Variants in NXPE4 observed in about 807,000 individuals in gnomAD.
NXPE4 encodes neurexophilin and PC-esterase domain family member 4, also known as NXPE family member 4.
NXPE4 carries 42 observed loss-of-function variants against 33.3 expected under a neutral mutation model. The ratio of observed to expected loss-of-function variants is 1.26; its 90% CI spans 0.98 to 1.63. The LOEUF (loss-of-function observed/expected upper bound fraction) is 1.63. NXPE4 is among the 40% of genes most tolerant of loss of function. The probability of loss-of-function intolerance (pLI) is 0.00; values close to 1 mark genes in which losing one functional copy is unlikely to be tolerated. For missense variants in NXPE4, 709 were observed against 647.6 expected, an observed-to-expected ratio of 1.09 and a Z score of -1.03; for synonymous variants, 253 against 234.9, an observed-to-expected ratio of 1.08 and a Z score of -0.71.
At chr11:114,612,838 G>A in the NXPE4 span, among the ~76,000 whole-genome samples, 12 of 152,022 alleles carry the variant, frequency 7.9e-5, no homozygotes, top group East Asian at 2.1e-3. Flanking sequence ...AGGATAGTAA[G>A]TATTGCCTTG....
the NXPE4 span, among the ~76,000 whole-genome samples, chr11:114,640,313 ATATAT>A: frequency 6.1e-5 from 9 of 146,396 alleles, no homozygotes; most frequent in Admixed American, 2.1e-4. Flanking sequence ...TTATATATTT[ATATAT>A]TATATGTTTA....
chr11:114,583,949 G>A, intron 2 of NXPE4: 1 of 390,888 alleles, frequency 2.6e-6, no homozygotes, highest in Non-Finnish European at 5.0e-6. Context: ...AGATGGGATT[G>A]ATGATGAGTC....
the NXPE4 span, among the ~76,000 whole-genome samples, chr11:114,625,453 G>T: frequency 1.3e-5 from 2 of 152,098 alleles, no homozygotes; most frequent in Non-Finnish European, 2.9e-5. Context: ...ATTGCCTCTT[G>T]GGTAACCACT....
At chr11:114,572,901 C>G (rs1948921636) in intron 5 of NXPE4, among the ~76,000 whole-genome samples, 1 of 152,090 alleles carries the variant, frequency 6.6e-6, no homozygotes, top group African/African-American at 2.4e-5. Context: ...ATTGCCTAGG[C>G]ACATAGTAAT....
At chr11:114,635,781 A>T in the NXPE4 span, among the ~76,000 whole-genome samples, 1 of 152,060 alleles carries the variant, frequency 6.6e-6, no homozygotes, top group African/African-American at 2.4e-5. Flanking sequence ...TGATTTGCAT[A>T]TATTGAACCA....
chr11:114,674,335 G>A, the NXPE4 span, among the ~76,000 whole-genome samples: 3 of 151,680 alleles, frequency 2.0e-5, no homozygotes, highest in African/African-American at 7.3e-5. Flanking sequence ...TTCAGTAATT[G>A]TGATGTGGCT....
chr11:114,634,734 T>G, the NXPE4 span, among the ~76,000 whole-genome samples: 3 of 152,060 alleles, frequency 2.0e-5, no homozygotes, highest in Non-Finnish European at 4.4e-5. Flanking sequence ...CTTTCCCCAT[T>G]GCTTGTTTTT....
At chr11:114,668,635 T>G in the NXPE4 span, among the ~76,000 whole-genome samples, 17 of 151,964 alleles carry the variant, frequency 1.1e-4, no homozygotes, top group South Asian at 3.5e-3. Flanking sequence ...TCAGAGCAAG[T>G]GGGGAAAAGG....
At chr11:114,603,182 A>G in the NXPE4 span, among the ~76,000 whole-genome samples, 7 of 151,938 alleles carry the variant, frequency 4.6e-5, no homozygotes, top group Non-Finnish European at 8.8e-5. Context: ...CTGGTGGATG[A>G]TAAGTATTGC....
Position 114,582,521 on chromosome 11 carries a change from A to T in NXPE4, c.597T>A (p.Tyr199Ter), listed in dbSNP as rs778437339. Residue 199 changes from tyrosine to a stop codon, truncating the protein, a stop_gained, in exon 3 of 6, where the codon TAT (tyrosine) becomes TAA (stop). Coordinates refer to ENST00000375478, the MANE Select transcript of NXPE4 (RefSeq NM_001077639.2). LOFTEE classifies it high-confidence loss of function. ...SALWSARNQG[Y>*]DRVIFTGQFV... ...ACTGGCCAGTGAAGATCACCCTGTC[A>T]TAGCCTTGGTTCCTTGCACTCCAGA... The T allele has an allele frequency of 6.2e-7, 1 of 1,614,060 alleles. No homozygotes were observed. The highest frequency in any genetic ancestry group is 1.3e-5 in the African/African-American group (1 of 74,932).
chr11:114,625,022 T>C, the NXPE4 span, among the ~76,000 whole-genome samples: 1 of 152,076 alleles, frequency 6.6e-6, no homozygotes, highest in African/African-American at 2.4e-5. Context: ...GGATAGTAAG[T>C]GTTGCCTCGG....
chr11:114,656,176 A>G, the NXPE4 span, among the ~76,000 whole-genome samples: 13 of 152,082 alleles, frequency 8.5e-5, no homozygotes, highest in African/African-American at 3.1e-4. Flanking sequence ...ACTCCTATTC[A>G]CAATTACTAC....
At chr11:114,655,335 C>T in the NXPE4 span, among the ~76,000 whole-genome samples, 1 of 152,090 alleles carries the variant, frequency 6.6e-6, no homozygotes, top group African/African-American at 2.4e-5. Flanking sequence ...TTAATTAGAT[C>T]CCATTTGTCA....
chr11:114,575,739 T>A (rs1948982006), intron 5 of NXPE4, among the ~76,000 whole-genome samples: 1 of 152,170 alleles, frequency 6.6e-6, no homozygotes, highest in South Asian at 2.1e-4. Context: ...TGCTCATGGA[T>A]GGGTAGAATA....
the NXPE4 span, among the ~76,000 whole-genome samples, chr11:114,626,832 G>A: frequency 3.2e-4 from 48 of 152,188 alleles, 1 homozygote; most frequent in East Asian, 7.3e-3. Flanking sequence ...AAAGGAGCTG[G>A]TGGAGCTGAA....
chr11:114,637,752 G>T, the NXPE4 span, among the ~76,000 whole-genome samples: 1 of 151,594 alleles, frequency 6.6e-6, no homozygotes, highest in East Asian at 1.9e-4. Flanking sequence ...TGAAATTCTG[G>T]GTTGAAAATT....
the NXPE4 span, among the ~76,000 whole-genome samples, chr11:114,602,758 A>G: frequency 6.9e-6 from 1 of 144,876 alleles, no homozygotes; most frequent in Non-Finnish European, 1.5e-5. Flanking sequence ...ATATATAAGT[A>G]TCTCATATAT....
At chr11:114,599,555 G>A (rs1414823263), upstream of NXPE4, among the ~76,000 whole-genome samples, 4 of 152,134 alleles carry the variant, frequency 2.6e-5, no homozygotes, top group Admixed American at 1.3e-4. Flanking sequence ...AATTTATAAA[G>A]AAAAGAGATT....
chr11:114,591,158 A>T (rs1052549812), intron 2 of NXPE4, among the ~76,000 whole-genome samples: 1 of 152,200 alleles, frequency 6.6e-6, no homozygotes, highest in Non-Finnish European at 1.5e-5. Flanking sequence ...ACTCTGAATG[A>T]TGTTATTGAA....
Sources: gnomAD v4.1 joint callset for allele counts (sites outside exome capture counted in the v4.1 genomes callset) on GRCh38, gnomAD v4.1.1 for gene constraint, MANE v1.5 for transcripts, NCBI Gene and HGNC (gene_info 2026-07-23, HGNC 2026-07-21) for gene names.